KCNT1: variants seen among roughly 807,000 people sequenced by gnomAD.
KCNT1 encodes the protein potassium channel subfamily T member 1.
A neutral mutation model predicts 147.8 loss-of-function variants in KCNT1; 78 were observed. The ratio of observed to expected loss-of-function variants is 0.53; its 90% CI spans 0.44 to 0.64. The LOEUF is 0.64. Ranked by LOEUF, KCNT1 falls within the 30% of genes least tolerant of loss-of-function variation. The probability of loss-of-function intolerance (pLI) is 0.00; values close to 1 mark genes in which losing one functional copy is unlikely to be tolerated. For missense variants in KCNT1, 1,419 were observed against 1,750.3 expected (o/e 0.81, Z 3.38); for synonymous variants, 867 against 748.8 (o/e 1.16, Z -2.58).
chr9:135,783,825 G>A (rs891815044), intron 24 of KCNT1, among the ~76,000 whole-genome samples, 199 bp from the exon 25 acceptor site: 1 of 152,260 alleles, frequency 6.6e-6, no homozygotes, highest in East Asian at 1.9e-4. Flanking sequence ...TGGGAAGATA[G>A]AGCTGGTTCA....
intron 2 of KCNT1, among the ~76,000 whole-genome samples, chr9:135,748,947 A>G (rs1830993288): frequency 6.6e-6 from 1 of 152,148 alleles, no homozygotes; most frequent in African/African-American, 2.4e-5. Flanking sequence ...GCACAGGGCC[A>G]TGGCTGGGAG....
intron 2 of KCNT1, among the ~76,000 whole-genome samples, chr9:135,717,404 G>C (rs1400637246): frequency 6.6e-6 from 1 of 152,144 alleles, no homozygotes; most frequent in Non-Finnish European, 1.5e-5. Flanking sequence ...CTTGGGCCTG[G>C]TGGAGATGGT....
At chr9:135,776,329 C>T (rs563283531) in intron 20 of KCNT1, among the ~76,000 whole-genome samples, 2 of 152,248 alleles carry the variant, frequency 1.3e-5, no homozygotes, top group African/African-American at 2.4e-5. Context: ...GGGATCATAG[C>T]TCACTACAGC....
At chr9:135,722,954 G>A (rs1289846413) in intron 2 of KCNT1, among the ~76,000 whole-genome samples, 3 of 152,178 alleles carry the variant, frequency 2.0e-5, no homozygotes, top group Non-Finnish European at 4.4e-5. Flanking sequence ...AAGATGTCGT[G>A]GGAAATCCTC....
At chr9:135,751,495 G>T (rs1012982853) in intron 4 of KCNT1, among the ~76,000 whole-genome samples, 2 of 152,094 alleles carry the variant, frequency 1.3e-5, no homozygotes, top group African/African-American at 4.8e-5. Context: ...ATCGTCCTGG[G>T]GCCCATGCTC....
chr9:135,711,788 G>C (rs1056740975), intron 1 of KCNT1, among the ~76,000 whole-genome samples: 1 of 152,196 alleles, frequency 6.6e-6, no homozygotes, highest in African/African-American at 2.4e-5. Flanking sequence ...GGCACGCTGG[G>C]CGCCGGCCAC....
chr9:135,723,774 T>TC (rs1185308961), intron 2 of KCNT1, among the ~76,000 whole-genome samples: 1 of 152,190 alleles, frequency 6.6e-6, no homozygotes, highest in Non-Finnish European at 1.5e-5. Context: ...ATCAAAGGCA[T>TC]CACCGCCTTC....
intron 2 of KCNT1, among the ~76,000 whole-genome samples, chr9:135,735,844 G>A (rs1206633341): frequency 6.6e-6 from 1 of 152,220 alleles, no homozygotes; most frequent in Non-Finnish European, 1.5e-5. Flanking sequence ...AGCTGGCTTC[G>A]GGGCAGCTGG....
intron 11 of KCNT1, 89 bp from the exon 12 acceptor site, chr9:135,764,942 G>A: frequency 7.0e-7 from 1 of 1,436,678 alleles, no homozygotes. Flanking sequence ...GCCCCTAACA[G>A]ACAGTCGTGT....
chr9:135,773,919 C>T (rs115432795), intron 19 of KCNT1, among the ~76,000 whole-genome samples: 3,827 of 151,934 alleles, frequency 0.025, 164 homozygotes, highest in African/African-American at 0.088. Flanking sequence ...GGAGGCATGG[C>T]GGGCGGGCAG....
intron 29 of KCNT1, 89 bp downstream of exon 29, chr9:135,786,610 G>T (rs1178108327): frequency 8.1e-7 from 1 of 1,240,346 alleles, no homozygotes; most frequent in Non-Finnish European, 1.1e-6. Flanking sequence ...CGGCGTCCCG[G>T]GGCCCGGGCC....
chr9:135,745,297 C>T (rs2131393531), intron 2 of KCNT1, among the ~76,000 whole-genome samples: 1 of 152,164 alleles, frequency 6.6e-6, no homozygotes, highest in South Asian at 2.1e-4. Flanking sequence ...CGGTCATCTC[C>T]CACCTCTCAG....
In KCNT1 at chr9:135,795,059, A is replaced by G. The variant is rs913460194; in HGVS notation, c.*2898A>G. On this transcript the variant is annotated 3_prime_UTR_variant, in exon 31 of 31. Coordinates refer to ENST00000371757, the MANE Select transcript of KCNT1 (RefSeq NM_020822.3). ...GTTTTACGGTAGAATTATTTGAAAC[A>G]TACAAAATGAGTGAGACACCTGCTA... 34 of 152,232 alleles carry G rather than the reference A, an allele frequency of 2.2e-4. No homozygotes were observed. Among genetic ancestry groups the G allele is most frequent in the African/African-American group, 7.7e-4 (32 of 41,462 alleles). The allele number at this position is 152,232 out of a possible 1,614,324, so 9.4% of individuals were successfully genotyped here. A position where few individuals can be genotyped will look rare whatever the true frequency, so the allele number is the denominator to read the frequency against.
chr9:135,740,976 G>C (rs2131381308), intron 2 of KCNT1, among the ~76,000 whole-genome samples: 2 of 146,906 alleles, frequency 1.4e-5, no homozygotes, highest in African/African-American at 2.5e-5. Flanking sequence ...TGTTTGCACA[G>C]AGCTCCAGTC....
chr9:135,784,179 G>A, intron 25 of KCNT1, 54 bp downstream of exon 25: 1 of 1,346,958 alleles, frequency 7.4e-7, no homozygotes, highest in Non-Finnish European at 1.1e-6. Context: ...CCCCCGTCAT[G>A]CCCTCAGCTC....
At chr9:135,743,871 G>A (rs536292795) in intron 2 of KCNT1, among the ~76,000 whole-genome samples, 1 of 152,364 alleles carries the variant, frequency 6.6e-6, no homozygotes, top group East Asian at 1.9e-4. Flanking sequence ...GACCCCAGGG[G>A]GACGGAGACA....
intron 19 of KCNT1, among the ~76,000 whole-genome samples, chr9:135,774,032 C>G (rs1832934365): frequency 6.8e-6 from 1 of 147,252 alleles, no homozygotes. Context: ...GGGGGTGTGT[C>G]CGGTGTGTGT....
rs758653391 is a variant in KCNT1, at chr9:135,786,198, C to G, written c.3179C>G (p.Ser1060Cys). The change falls in exon 29 of 31, where the codon TCC (serine) becomes TGC (cysteine). Residue 1060 changes from serine (S) to cysteine (C), a missense_variant and splice_region_variant. By Grantham distance (112) the Ser-to-Cys change is moderately radical. Transcript: ENST00000371757. ...TSEPHDLRAQ[S>C]QISVNVEDCE... ...CCTGCCCTGCCCTGCCCTGCCCAGT[C>G]CCAGATCTCGGTGAACGTGGAGGAC... 1 of 1,589,186 alleles carries G rather than the reference C, an allele frequency of 6.3e-7. No individual in the cohort carries two copies. Among genetic ancestry groups the G allele is most frequent in the Non-Finnish European group, 8.6e-7 (1 of 1,161,246 alleles).
At chr9:135,754,081 A>C in intron 5 of KCNT1, 88 bp downstream of exon 5, 1 of 1,157,030 alleles carries the variant, frequency 8.6e-7, no homozygotes, top group Non-Finnish European at 1.3e-6. Flanking sequence ...CCAGCTCCCA[A>C]TAGCCAGGCG....
Sources: allele counts gnomAD v4.1 joint callset (sites outside exome capture counted in the v4.1 genomes callset), GRCh38; gene constraint gnomAD v4.1.1; transcripts MANE v1.5; gene names NCBI Gene and HGNC (gene_info 2026-07-23, HGNC 2026-07-21).